ANKS1B: variants seen among roughly 807,000 people sequenced by gnomAD.
The protein encoded by ANKS1B is ankyrin repeat and sterile alpha motif domain containing 1B.
A neutral mutation model predicts 148.3 loss-of-function variants in ANKS1B; 36 were observed. The observed-to-expected ratio is 0.24, with a 90% CI of 0.19 to 0.32. The LOEUF (loss-of-function observed/expected upper bound fraction) is 0.32, where lower values mean the gene tolerates loss of function less well. Ranked by LOEUF, ANKS1B falls within the 10% of genes least tolerant of loss-of-function variation. ANKS1B has a pLI of 1.00. For missense variants in ANKS1B, 1,157 were observed against 1,542.6 expected, an observed-to-expected ratio of 0.75 and a Z score of 4.19; for synonymous variants, 542 against 560.8, an observed-to-expected ratio of 0.97 and a Z score of 0.47.
chr12:98,914,046 C>G (rs1375338382), intron 17 of ANKS1B, among the ~76,000 whole-genome samples: 1 of 152,180 alleles, frequency 6.6e-6, no homozygotes, highest in Admixed American at 6.5e-5. Context: ...TATTTTTCCT[C>G]TTCAAATATC....
chr12:99,840,755 A>G (rs761520452), intron 1 of ANKS1B, among the ~76,000 whole-genome samples: 120 of 152,262 alleles, frequency 7.9e-4, no homozygotes, highest in Admixed American at 1.3e-3. Context: ...ATTTTTAGGT[A>G]TAATAATCAT....
At chr12:99,497,722 AC>A (rs1317040121) in intron 10 of ANKS1B, among the ~76,000 whole-genome samples, 1 of 151,406 alleles carries the variant, frequency 6.6e-6, no homozygotes, top group Non-Finnish European at 1.5e-5. Flanking sequence ...ATTCTAAAGT[AC>A]TATAGGTTAG....
intron 12 of ANKS1B, among the ~76,000 whole-genome samples, chr12:99,256,962 C>T (rs1333068548): frequency 1.3e-5 from 2 of 152,088 alleles, no homozygotes; most frequent in African/African-American, 4.8e-5. Flanking sequence ...TTATTTCATC[C>T]CGGCCGGGTG....
At position 99,453,158 on chromosome 12, in the gene ANKS1B, T is replaced by TG. The variant is rs923333915; in HGVS notation, c.1439-9350dup. 7.4e-4 allele frequency among the ~76,000 whole-genome samples: 112 copies of TG among 152,066 alleles called. 1 individual carries two copies. The highest frequency in any genetic ancestry group is 2.6e-3 in the African/African-American group (109 of 41,476). ...ACAAAAAATTAGCCAGGCGTGGTGG[T>TG]GGGTGCCTGTAGTCCCAGCTACTCC... is the stretch of plus-strand genomic sequence containing the variant. On this transcript the variant is annotated intron_variant, in intron 10 of 26. Transcript: ENST00000683438.
chr12:99,837,468 T>G (rs2085038880), intron 1 of ANKS1B, among the ~76,000 whole-genome samples: 1 of 152,144 alleles, frequency 6.6e-6, no homozygotes, highest in East Asian at 1.9e-4. Context: ...TAAGGTAGCA[T>G]GAGAAAGAGA....
At chr12:99,712,449 G>C (rs1379809484) in intron 8 of ANKS1B, among the ~76,000 whole-genome samples, 1 of 152,166 alleles carries the variant, frequency 6.6e-6, no homozygotes. Flanking sequence ...AATCACAAGA[G>C]TCCTTAAAGA....
intron 1 of ANKS1B, among the ~76,000 whole-genome samples, chr12:99,942,277 T>C (rs763618819): frequency 3.3e-5 from 5 of 152,126 alleles, no homozygotes; most frequent in Non-Finnish European, 5.9e-5. Context: ...TCAACAGCAT[T>C]ATTTGCAACA....
chr12:99,205,315 G>A (rs1401361228), intron 14 of ANKS1B, among the ~76,000 whole-genome samples: 1 of 152,192 alleles, frequency 6.6e-6, no homozygotes, highest in Non-Finnish European at 1.5e-5. Context: ...GCCCTTTTCT[G>A]TGTATAAACC....
intron 9 of ANKS1B, among the ~76,000 whole-genome samples, chr12:99,593,325 G>T (rs2097723189): frequency 1.3e-5 from 2 of 151,952 alleles, no homozygotes; most frequent in African/African-American, 4.8e-5. Context: ...ATTAATTTTG[G>T]TAGTCAGAGA....
At chr12:99,525,077 C>T (rs1340631169) in intron 9 of ANKS1B, among the ~76,000 whole-genome samples, 1 of 151,740 alleles carries the variant, frequency 6.6e-6, no homozygotes. Flanking sequence ...CATTCTGGAC[C>T]TCCAGAACTG....
intron 8 of ANKS1B, among the ~76,000 whole-genome samples, chr12:99,707,725 A>C (rs1248815074): frequency 2.0e-5 from 3 of 152,102 alleles, no homozygotes; most frequent in African/African-American, 7.2e-5. Context: ...GAAGCAGGAA[A>C]AAAATGGTAT....
At chr12:98,864,743 T>C (rs2099616041) in intron 17 of ANKS1B, among the ~76,000 whole-genome samples, 1 of 152,218 alleles carries the variant, frequency 6.6e-6, no homozygotes, top group Non-Finnish European at 1.5e-5. Flanking sequence ...CCTAATACTG[T>C]GTCCAGTAAA....
chr12:99,016,033 T>C (rs931414745), intron 17 of ANKS1B, among the ~76,000 whole-genome samples: 3 of 152,222 alleles, frequency 2.0e-5, no homozygotes, highest in African/African-American at 4.8e-5. Context: ...AGGCTTTACA[T>C]GATTGGTAGT....
At chr12:98,979,268 ATTAATTAATTTTTTT>A (rs2099904795) in intron 17 of ANKS1B, among the ~76,000 whole-genome samples, 1 of 150,386 alleles carries the variant, frequency 6.6e-6, no homozygotes, top group African/African-American at 2.4e-5. Context: ...CTATTTTTTA[ATTAATTAATTTTTTT>A]TTGAGATGGA....
At chr12:99,261,249 G>A (rs2075896042) in intron 12 of ANKS1B, among the ~76,000 whole-genome samples, 1 of 152,010 alleles carries the variant, frequency 6.6e-6, no homozygotes, top group Non-Finnish European at 1.5e-5. Context: ...TGACCTACCA[G>A]CTATACAATT....
At chr12:99,248,835 A>G (rs2153971940) in intron 12 of ANKS1B, among the ~76,000 whole-genome samples, 1 of 152,336 alleles carries the variant, frequency 6.6e-6, no homozygotes, top group East Asian at 1.9e-4. Flanking sequence ...GCTTTAAAAA[A>G]ATCTAGGGTT....
At chr12:99,154,457 G>A (rs2075720248) in intron 14 of ANKS1B, 62 bp from the exon 15 acceptor site, 4 of 1,613,094 alleles carry the variant, frequency 2.5e-6, no homozygotes, top group South Asian at 2.2e-5. Flanking sequence ...GGTAATAGCG[G>A]TAGTCCTGGG....
chr12:99,702,715 T>TC (rs2055052546), intron 8 of ANKS1B, among the ~76,000 whole-genome samples: 1 of 111,350 alleles, frequency 9.0e-6, no homozygotes, highest in African/African-American at 3.0e-5. Flanking sequence ...GCTAATTTTT[T>TC]TTTTTTTTTT....
chr12:99,815,542 G>C (rs190473338), intron 2 of ANKS1B, among the ~76,000 whole-genome samples: 1 of 151,368 alleles, frequency 6.6e-6, no homozygotes, highest in African/African-American at 2.4e-5. Flanking sequence ...TGGTTCCATG[G>C]ATGGGTAACA....
Sources: allele counts gnomAD v4.1 joint callset (sites outside exome capture counted in the v4.1 genomes callset), GRCh38; gene constraint gnomAD v4.1.1; transcripts MANE v1.5; gene names NCBI Gene and HGNC (gene_info 2026-07-23, HGNC 2026-07-21).